ARHGEF38: variants seen among roughly 807,000 people sequenced by gnomAD.
The protein encoded by ARHGEF38 is Rho guanine nucleotide exchange factor (GEF) 38.
In ARHGEF38, 79 loss-of-function variants were observed where a neutral mutation model predicts 79.9. That is an observed-to-expected ratio of 0.99 (90% confidence interval 0.82 to 1.19). The LOEUF (loss-of-function observed/expected upper bound fraction) is 1.19. Among genes scored for constraint, ARHGEF38 ranks in the 50% most tolerant of loss-of-function variants. The pLI, the probability that ARHGEF38 is intolerant of heterozygous loss-of-function variation, is 0.00. For missense variants in ARHGEF38, 962 were observed against 907.2 expected (o/e 1.06, Z -0.78); for synonymous variants, 366 against 328.3 (o/e 1.11, Z -1.24).
At chr4:105,645,121 C>T (rs1015443520) in intron 5 of ARHGEF38, 67 bp from the exon 6 acceptor site, 2 of 1,130,682 alleles carry the variant, frequency 1.8e-6, no homozygotes, top group Non-Finnish European at 2.3e-6. Flanking sequence ...CATAAAAACA[C>T]ACAAAAATGA....
At chr4:105,626,026 T>C (rs1178506288) in intron 3 of ARHGEF38, among the ~76,000 whole-genome samples, 1 of 152,200 alleles carries the variant, frequency 6.6e-6, no homozygotes, top group African/African-American at 2.4e-5. Flanking sequence ...CACTCTCGCA[T>C]GGCCACATAA....
chr4:105,606,080 A>G (rs948608999), intron 2 of ARHGEF38, among the ~76,000 whole-genome samples: 9 of 152,088 alleles, frequency 5.9e-5, no homozygotes, highest in Admixed American at 4.6e-4. Context: ...GAACTGTCCT[A>G]CAGAAGGAGT....
intron 9 of ARHGEF38, among the ~76,000 whole-genome samples, chr4:105,658,472 C>T (rs1211174405): frequency 2.0e-5 from 3 of 151,954 alleles, no homozygotes; most frequent in African/African-American, 7.3e-5. Flanking sequence ...ATTAAAATAC[C>T]TTTATTAAGG....
At position 105,582,553 on chromosome 4, in the gene ARHGEF38, T is replaced by C. The variant is rs1726848753; in HGVS notation, c.197-6695T>C. Among the ~76,000 whole-genome samples the C allele has an allele frequency of 2.6e-5, 4 of 152,190 alleles. No individual in the cohort carries two copies. The South Asian group carries it at 6.2e-4, about 24-fold the overall frequency. ...ATTCCAAAACAAATGAGTCCTAACA[T>C]TTTATTTTTGTTATTTATTTCTACA... On this transcript the variant is annotated intron_variant, in intron 1 of 13. Transcript: ENST00000420470.
chr4:105,676,271 G>A lies in ARHGEF38; in HGVS notation c.2149-1481G>A, dbSNP rs183821571. Among the ~76,000 whole-genome samples the A allele has an allele frequency of 1.1e-4, 17 of 152,144 alleles. No homozygotes were observed. The South Asian group carries it at 2.7e-3, about 24-fold the overall frequency. Reference sequence around the variant, plus strand: ...ATGTTGTTTTCATGTATTCATCTCCGTACCTTCAAATATGACATATTCATG... The same window carrying A: ...ATGTTGTTTTCATGTATTCATCTCCATACCTTCAAATATGACATATTCATG... On this transcript the variant is annotated intron_variant, in intron 13 of 13. Coordinates refer to ENST00000420470, the MANE Select transcript of ARHGEF38 (RefSeq NM_001242729.2).
chr4:105,657,479 A>G (rs1014068508), intron 9 of ARHGEF38, among the ~76,000 whole-genome samples: 3 of 152,144 alleles, frequency 2.0e-5, no homozygotes, highest in African/African-American at 7.2e-5. Context: ...TTATCTAACC[A>G]TGAGTAATAC....
intron 1 of ARHGEF38, among the ~76,000 whole-genome samples, chr4:105,569,571 T>C (rs1726114365): frequency 6.6e-6 from 1 of 152,200 alleles, no homozygotes; most frequent in Admixed American, 6.5e-5. Flanking sequence ...AGGTTTCTGG[T>C]ATGTCAGACA....
At chr4:105,648,814 GTCTCCCTCTCTCTCTC>G in intron 7 of ARHGEF38, 132 bp downstream of exon 7, 2 of 785,368 alleles carry the variant, frequency 2.5e-6, no homozygotes, top group Non-Finnish European at 3.6e-6. Context: ...CTGTTCTCTT[GTCTCCCTCTCTCTCTC>G]TCTCTCTCTC....
chr4:105,585,135 T>C (rs1469751705), intron 1 of ARHGEF38, among the ~76,000 whole-genome samples: 1 of 151,618 alleles, frequency 6.6e-6, no homozygotes, highest in Non-Finnish European at 1.5e-5. Context: ...CTCTAGATGG[T>C]GGAAGAGTTT....
At chr4:105,575,733 G>A (rs1363940054) in intron 1 of ARHGEF38, among the ~76,000 whole-genome samples, 3 of 152,034 alleles carry the variant, frequency 2.0e-5, no homozygotes, top group Admixed American at 6.5e-5. Flanking sequence ...CTAGGCCAAC[G>A]TCCAGAAGAG....
At chr4:105,624,872 G>A (rs28540538) in intron 3 of ARHGEF38, among the ~76,000 whole-genome samples, 237 of 152,244 alleles carry the variant, frequency 1.6e-3, no homozygotes, top group African/African-American at 5.1e-3. Flanking sequence ...TGGAGCTTTC[G>A]CTCAGCTGTG....
intron 1 of ARHGEF38, among the ~76,000 whole-genome samples, chr4:105,584,557 G>A (rs1231279067): frequency 2.0e-5 from 3 of 152,102 alleles, no homozygotes; most frequent in Admixed American, 6.5e-5. Context: ...TGGTAGTGGT[G>A]GAGTTTGAAC....
rs1725063915 is a variant in ARHGEF38, at chr4:105,552,894, T to G, written c.129T>G (p.Ser43=). Residue 43 remains serine (S), a synonymous_variant, in exon 1 of 14, where the codon TCT becomes TCG. Coordinates refer to ENST00000420470, the MANE Select transcript of ARHGEF38 (RefSeq NM_001242729.2). Reference sequence around the variant, plus strand: ...ACACTGTGGTTGAGAGCAGTGTTTCTGGGGACCACTCTGGCACCTTGAGGA... The same window carrying G: ...ACACTGTGGTTGAGAGCAGTGTTTCGGGGGACCACTCTGGCACCTTGAGGA... ...KTDTVVESSV[S]GDHSGTLRRS... 6.2e-7 allele frequency: 1 copy of G among 1,613,938 alleles called. No homozygotes were observed. The highest frequency in any genetic ancestry group is 8.5e-7 in the Non-Finnish European group (1 of 1,179,884).
chr4:105,579,530 C>T (rs1726673840), intron 1 of ARHGEF38, among the ~76,000 whole-genome samples: 1 of 152,178 alleles, frequency 6.6e-6, no homozygotes. Context: ...AGATGAATCA[C>T]ATTTACTGAT....
chr4:105,594,776 A>T (rs1727504729), intron 2 of ARHGEF38, among the ~76,000 whole-genome samples: 1 of 152,200 alleles, frequency 6.6e-6, no homozygotes, highest in Admixed American at 6.5e-5. Flanking sequence ...TCTATGTCAG[A>T]CCTTTACCGA....
At chr4:105,656,172 A>T (rs555462194) in intron 9 of ARHGEF38, among the ~76,000 whole-genome samples, 108 of 152,132 alleles carry the variant, frequency 7.1e-4, no homozygotes, top group African/African-American at 2.5e-3. Context: ...CTCGCTCCTC[A>T]GCCTCTCGAG....
rs1177311747 is a variant in ARHGEF38, at chr4:105,654,121, T to A, written c.1065T>A (p.Thr355=). 1.3e-6 allele frequency: 2 copies of A among 1,522,006 alleles called. 1 individual carries two copies. Among genetic ancestry groups the A allele is most frequent in the Admixed American group, 3.9e-5 (2 of 50,850 alleles). The allele number at this position is 1,522,006 out of a possible 1,614,324, so 94.3% of individuals were successfully genotyped here. A position where few individuals can be genotyped will look rare whatever the true frequency, so the allele number is the denominator to read the frequency against. Residue 355 remains threonine (T), a synonymous_variant, in exon 8 of 14, where the codon ACT becomes ACA. Transcript: ENST00000420470. ...EEKLFRALEK[T]VRLCVKNISL... The stretch of plus-strand genomic sequence containing the variant: ...AGCTGTTTAGAGCTTTAGAAAAGAC[T>A]GTGAGGCTTTGTGTGAAGAACATTT...
At position 105,566,630 on chromosome 4, in the gene ARHGEF38, C is replaced by T. The variant is rs531282231; in HGVS notation, c.196+13669C>T. Among the ~76,000 whole-genome samples the T allele has an allele frequency of 5.9e-5, 9 of 152,182 alleles. No individual in the cohort carries two copies. In the East Asian group the frequency reaches 1.5e-3, roughly 26 times the overall value. On this transcript the variant is annotated intron_variant, in intron 1 of 13. Coordinates refer to ENST00000420470, the MANE Select transcript of ARHGEF38 (RefSeq NM_001242729.2). ...AAATTATTTTTTTATTATAGTCACC[C>T]TATTGTGTTAGCAAATACTGGGACT...
At chr4:105,560,103 G>A (rs889385002) in intron 1 of ARHGEF38, among the ~76,000 whole-genome samples, 1 of 152,150 alleles carries the variant, frequency 6.6e-6, no homozygotes, top group Non-Finnish European at 1.5e-5. Flanking sequence ...CACATGTTTT[G>A]TAATGTGATG....
Sources: allele counts gnomAD v4.1 joint callset (sites outside exome capture counted in the v4.1 genomes callset), GRCh38; gene constraint gnomAD v4.1.1; transcripts MANE v1.5; gene names NCBI Gene and HGNC (gene_info 2026-07-23, HGNC 2026-07-21).